Variants in DNAJC11 observed in about 807,000 individuals in gnomAD.
The protein encoded by DNAJC11 is dnaJ homolog subfamily C member 11.
In DNAJC11, 15 loss-of-function variants were observed where a neutral mutation model predicts 78.6. The observed-to-expected ratio is 0.19, with a 90% CI of 0.13 to 0.29. DNAJC11 has a LOEUF of 0.29. Among genes scored for constraint, DNAJC11 ranks in the 10% least tolerant of loss-of-function variants. DNAJC11 has a pLI of 1.00. For missense variants in DNAJC11, 547 were observed against 709.6 expected (o/e 0.77, Z 2.60); for synonymous variants, 292 against 272.1 (o/e 1.07, Z -0.72).
At chr1:6,660,951 T>A (rs941383910) in intron 4 of DNAJC11, among the ~76,000 whole-genome samples, 1 of 152,250 alleles carries the variant, frequency 6.6e-6, no homozygotes, top group African/African-American at 2.4e-5. Flanking sequence ...ATCAGTTGTT[T>A]ATTCAGCCAG....
intron 3 of DNAJC11, among the ~76,000 whole-genome samples, chr1:6,669,266 T>G (rs1642339735): frequency 1.3e-5 from 2 of 151,820 alleles, no homozygotes; most frequent in African/African-American, 4.8e-5. Flanking sequence ...TCCCAGCACT[T>G]TGGGAGGCCG....
At chr1:6,698,452 A>G (rs1319489760) in intron 1 of DNAJC11, among the ~76,000 whole-genome samples, 1 of 152,160 alleles carries the variant, frequency 6.6e-6, no homozygotes, top group Non-Finnish European at 1.5e-5. Flanking sequence ...CAGAGCTTCT[A>G]ATGGAATCCC....
At chr1:6,669,590 C>T (rs1642346819) in intron 3 of DNAJC11, among the ~76,000 whole-genome samples, 1 of 150,596 alleles carries the variant, frequency 6.6e-6, no homozygotes, top group Admixed American at 6.6e-5. Context: ...CATTTCAATT[C>T]CAGTTCAGCC....
chr1:6,679,570 A>G (rs1027658951), intron 2 of DNAJC11, among the ~76,000 whole-genome samples: 1 of 152,238 alleles, frequency 6.6e-6, no homozygotes, highest in African/African-American at 2.4e-5. Flanking sequence ...TTTAAAAACC[A>G]CATAAATGAT....
intron 1 of DNAJC11, among the ~76,000 whole-genome samples, chr1:6,700,320 C>T (rs55810402): frequency 0.045 from 6,875 of 152,098 alleles, 523 homozygotes; most frequent in African/African-American, 0.16. Context: ...ACTCTCTTTT[C>T]GGACTCAGCC....
rs1642089892 is a variant in DNAJC11 at position 6,653,827 on chromosome 1, A to C, written c.507+84T>G. 1 of 1,526,720 alleles carries C rather than the reference A, an allele frequency of 6.5e-7. No individual in the cohort carries two copies. The highest frequency in any genetic ancestry group is 1.4e-5 in the African/African-American group (1 of 72,474). 94.6% of individuals were successfully genotyped at this position (1,526,720 alleles called of 1,614,324 possible). On this transcript the variant is annotated intron_variant, in intron 5 of 15. Transcript: ENST00000377577. The surrounding 1 kb of genome is among the most constrained non-coding windows in gnomAD (Gnocchi z 4.5). The stretch of plus-strand genomic sequence containing the variant: ...AATAAAGATGAGAAAAACCCTGGGC[A>C]GACTCTCATTCCAGCTGCTTGGTGT...
intron 1 of DNAJC11, among the ~76,000 whole-genome samples, chr1:6,694,596 C>G (rs868466639): frequency 6.6e-6 from 1 of 152,060 alleles, no homozygotes; most frequent in African/African-American, 2.4e-5. Context: ...AACAACTGAC[C>G]TGCTTTTCGG....
intron 1 of DNAJC11, among the ~76,000 whole-genome samples, chr1:6,697,958 T>C (rs572417243): frequency 6.6e-6 from 1 of 152,146 alleles, no homozygotes; most frequent in East Asian, 1.9e-4. Context: ...GCCCGGCTAA[T>C]TTTTTGTATT....
At chr1:6,646,105 T>TAA in intron 7 of DNAJC11, 127 bp from the exon 8 acceptor site, 52 of 740,864 alleles carry the variant, frequency 7.0e-5, no homozygotes, top group Non-Finnish European at 8.6e-5. Context: ...CAGCTCCCAG[T>TAA]AAAAAAAAAA....
rs1186670227 is a variant in DNAJC11, at chr1:6,667,719, G to A, written c.368C>T (p.Thr123Ile). 6.2e-7 allele frequency: 1 copy of A among 1,613,948 alleles called. No individual in the cohort carries two copies. Among genetic ancestry groups the A allele is most frequent in the African/African-American group, 1.3e-5 (1 of 74,886 alleles). ...TGGCCCCTGGCTTACCTTGGGATTG[G>A]TTCGCTGCTGCAATCTCCTCTCTTC... ...EREERRLQQRTNPKGTISVGV... is the reference protein window; with the variant it reads ...EREERRLQQRINPKGTISVGV... The change falls in exon 4 of 16, where the codon ACC becomes ATC. Residue 123 changes from threonine to isoleucine, a missense_variant. By Grantham distance (89) the Thr-to-Ile change is moderately conservative. Coordinates refer to ENST00000377577, the MANE Select transcript of DNAJC11 (RefSeq NM_018198.4).
chr1:6,676,193 C>A (rs1216529831), intron 3 of DNAJC11, among the ~76,000 whole-genome samples: 1 of 152,158 alleles, frequency 6.6e-6, no homozygotes, highest in Non-Finnish European at 1.5e-5. Flanking sequence ...AAGAGCCAGA[C>A]ATAACGCAAG....
chr1:6,662,649 A>C (rs1482688755), intron 4 of DNAJC11, among the ~76,000 whole-genome samples: 2 of 152,206 alleles, frequency 1.3e-5, no homozygotes, highest in Middle Eastern at 3.4e-3. Flanking sequence ...GGCTAGCTAG[A>C]GGATTGTAAA....
chr1:6,637,528 A>G, intron 12 of DNAJC11, 24 bp from the exon 13 acceptor site: 1 of 1,614,044 alleles, frequency 6.2e-7, no homozygotes, highest in Non-Finnish European at 8.5e-7. Context: ...AGGATGACAC[A>G]GTCAGGGCCC....
intron 1 of DNAJC11, among the ~76,000 whole-genome samples, chr1:6,682,967 CAG>C (rs1402119004): frequency 6.6e-5 from 10 of 152,270 alleles, no homozygotes; most frequent in Non-Finnish European, 8.8e-5. Context: ...AAGCAGGCCA[CAG>C]AGAGCTTCCC....
chr1:6,696,682 T>A (rs1039705264), intron 1 of DNAJC11, among the ~76,000 whole-genome samples: 2 of 152,250 alleles, frequency 1.3e-5, no homozygotes, highest in Admixed American at 6.5e-5. Flanking sequence ...ACTTTTGTAC[T>A]TCTAGTTTCA....
intron 4 of DNAJC11, among the ~76,000 whole-genome samples, chr1:6,661,540 G>A (rs972097911): frequency 1.3e-5 from 2 of 151,942 alleles, no homozygotes; most frequent in African/African-American, 2.4e-5. Flanking sequence ...CTTCTCCAGG[G>A]TTTCAGTTTC....
At chr1:6,637,548 T>C (rs1301919190) in intron 12 of DNAJC11, 44 bp from the exon 13 acceptor site, 3 of 1,609,924 alleles carry the variant, frequency 1.9e-6, no homozygotes, top group Admixed American at 1.7e-5. Context: ...CTGCCAGGCC[T>C]GTTCCACCTC....
Position 6,653,741 on chromosome 1 carries a change from G to A in DNAJC11, c.507+170C>T, listed in dbSNP as rs1398731052. 19 of 868,322 alleles carry A rather than the reference G, an allele frequency of 2.2e-5. No individual in the cohort carries two copies. Among genetic ancestry groups the A allele is most frequent in the Non-Finnish European group, 2.9e-5 (17 of 595,170 alleles). The allele number at this position is 868,322 out of a possible 1,614,324, so 53.8% of individuals were successfully genotyped here. On this transcript the variant is annotated intron_variant, in intron 5 of 15. Coordinates refer to ENST00000377577, the MANE Select transcript of DNAJC11 (RefSeq NM_018198.4). This position sits in a 1 kb window ranked among gnomAD's most constrained non-coding sequence, Gnocchi z 4.5. ...TGCTGGCTCACATGCCAGCACAGCG[G>A]TAACACACGGCTGGGAATGAAGCGC...
intron 3 of DNAJC11, among the ~76,000 whole-genome samples, chr1:6,672,933 A>G (rs1390065011): frequency 1.3e-5 from 2 of 152,174 alleles, no homozygotes; most frequent in African/African-American, 4.8e-5. Context: ...GTCTATCCCT[A>G]TGCTAACCAG....
Sources: gnomAD v4.1 joint callset for allele counts (sites outside exome capture counted in the v4.1 genomes callset) on GRCh38, gnomAD v4.1.1 for gene constraint, Gnocchi (gnomAD v3.1) non-coding constraint, MANE v1.5 for transcripts, NCBI Gene and HGNC (gene_info 2026-07-23, HGNC 2026-07-21) for gene names.